DMBT1: variants seen among roughly 807,000 people sequenced by gnomAD.
DMBT1 encodes the protein scavenger receptor cysteine-rich domain-containing protein DMBT1.
Under a neutral mutation model 252.9 loss-of-function variants are expected in DMBT1, and 198 were observed. The observed-to-expected ratio is 0.78, with a 90% CI of 0.70 to 0.88. The LOEUF (loss-of-function observed/expected upper bound fraction) is 0.88, where lower values mean the gene tolerates loss of function less well. DMBT1 is among the 40% of genes least tolerant of loss of function. DMBT1 has a pLI of 0.00. For missense variants in DMBT1, 2,432 were observed against 2,404.7 expected (o/e 1.01, Z -0.24); for synonymous variants, 990 against 942.7 (o/e 1.05, Z -0.92).
chr10:122,641,451 C>G (rs949293194), intron 55 of DMBT1, among the ~76,000 whole-genome samples: 4 of 152,176 alleles, frequency 2.6e-5, no homozygotes, highest in African/African-American at 2.4e-5. Flanking sequence ...TCGACACCCT[C>G]TTGATATGCT....
At chr10:122,630,538 G>C in intron 48 of DMBT1, 48 bp downstream of exon 48, 2 of 1,585,968 alleles carry the variant, frequency 1.3e-6, no homozygotes, top group South Asian at 2.2e-5. Context: ...GATTTACCCA[G>C]CTGCCTCTTT....
rs1418080465 is a variant in DMBT1 at position 122,636,263 on chromosome 10, A to G, written c.6757+64A>G. On this transcript the variant is annotated intron_variant, in intron 53 of 55. Transcript: ENST00000338354. ...ACATCCTGAGAGCATCTGTGGCTCA[A>G]CTGTCCTGTTGTTGTGAAATAAGAA... The G allele has an allele frequency of 2.1e-6, 3 of 1,408,574 alleles. No homozygotes were observed. The East Asian group carries it at 7.1e-5, about 33-fold the overall frequency. The allele number at this position is 1,408,574 out of a possible 1,614,324, so 87.3% of individuals were successfully genotyped here. A position where few individuals can be genotyped will look rare whatever the true frequency, so the allele number is the denominator to read the frequency against.
At chr10:122,627,070 G>T (rs2098123912) in intron 46 of DMBT1, among the ~76,000 whole-genome samples, 1 of 152,140 alleles carries the variant, frequency 6.6e-6, no homozygotes, top group Non-Finnish European at 1.5e-5. Context: ...TTATCCTAAA[G>T]GTAGGGAGGC....
intron 46 of DMBT1, 139 bp downstream of exon 46, chr10:122,626,104 C>T (rs2098117234): frequency 7.0e-6 from 5 of 711,800 alleles, no homozygotes; most frequent in Non-Finnish European, 1.3e-5. Context: ...CTATACCCTT[C>T]ACCTCTTCAT....
chr10:122,638,469 A>C (rs1843895218), intron 54 of DMBT1, among the ~76,000 whole-genome samples: 1 of 152,092 alleles, frequency 6.6e-6, no homozygotes, highest in South Asian at 2.1e-4. Context: ...ACAGGTTCTC[A>C]TTCTGTTGCC....
chr10:122,638,342 G>A (rs553069495), intron 54 of DMBT1, among the ~76,000 whole-genome samples: 17 of 136,764 alleles, frequency 1.2e-4, no homozygotes, highest in East Asian at 3.9e-4. Context: ...CGTTTGGAGC[G>A]GCCAGACAAC....
At chr10:122,623,406 TG>T (rs1172120727) in intron 44 of DMBT1, among the ~76,000 whole-genome samples, 2 of 152,212 alleles carry the variant, frequency 1.3e-5, no homozygotes, top group Non-Finnish European at 2.9e-5. Context: ...TTTCCAATTT[TG>T]GGAGATATAT....
rs141809676 is a variant in DMBT1 at position 122,640,293 on chromosome 10, C to T, written c.7196C>T (p.Thr2399Ile). The change falls in exon 55 of 56, where the codon ACC becomes ATC. Residue 2399 changes from threonine to isoleucine, a missense_variant. Around this residue, in one of 3 missense-constraint regions of DMBT1, gnomAD observed 1,162 missense variants for 1,169.0 expected, o/e 0.99. Coordinates refer to ENST00000338354, the MANE Select transcript of DMBT1 (RefSeq NM_001377530.1). ...TCCTCATCTTTCTTGTATCCTGTGA[C>T]CAGCCGCCCTTACTACGTGGACCTG... Reference protein sequence around the residue: ...YTSSSFLYPVTSRPYYVDLNQ... With the variant: ...YTSSSFLYPVISRPYYVDLNQ... 5.0e-5 allele frequency: 80 copies of T among 1,614,052 alleles called. No individual in the cohort carries two copies. The Admixed American group carries it at 1.3e-3, about 27-fold the overall frequency.
At chr10:122,577,511 G>A (rs2097723113) in intron 7 of DMBT1, among the ~76,000 whole-genome samples, 1 of 152,204 alleles carries the variant, frequency 6.6e-6, no homozygotes, top group African/African-American at 2.4e-5. Context: ...TCTACTCATT[G>A]CTTAGGGTGG....
intron 8 of DMBT1, among the ~76,000 whole-genome samples, chr10:122,578,356 C>T (rs565312134): frequency 1.3e-5 from 2 of 152,174 alleles, no homozygotes; most frequent in East Asian, 1.9e-4. Context: ...AACCTGATTT[C>T]CCCCAGGGCG....
rs2098146089 is a variant in DMBT1, at chr10:122,629,864, T to C, written c.5693T>C (p.Phe1898Ser). The change falls in exon 47 of 56, where the codon TTC becomes TCC. Residue 1898 changes from phenylalanine to serine, a missense_variant. This residue lies in a region of DMBT1 where 1,162 missense variants were observed against 1,169.0 expected (regional missense o/e 0.99). Coordinates refer to ENST00000338354, the MANE Select transcript of DMBT1 (RefSeq NM_001377530.1). ...TARPSSNCGGFLFYASGTFSS... is the reference protein window; with the variant it reads ...TARPSSNCGGSLFYASGTFSS... ...GGACCCTCTTCAAATTGTGGTGGCT[T>C]CTTATTCTATGCCAGTGGGACATTC... 1.2e-6 allele frequency: 2 copies of C among 1,614,020 alleles called. No individual in the cohort carries two copies. The highest frequency in any genetic ancestry group is 1.7e-6 in the Non-Finnish European group (2 of 1,179,890).
In DMBT1 at chr10:122,576,523, C is replaced by T. The variant is rs770425654; in HGVS notation, c.408C>T (p.Ala136=). 5.6e-6 allele frequency: 9 copies of T among 1,613,970 alleles called. No homozygotes were observed. The highest frequency in any genetic ancestry group is 7.6e-6 in the Non-Finnish European group (9 of 1,179,888). ...VCDDSWDTND[A]NVVCRQLGCG... The stretch of plus-strand genomic sequence containing the variant: ...ATGACAGCTGGGACACCAATGATGC[C>T]AACGTGGTCTGTAGGCAGCTGGGTT... The change falls in exon 7 of 56, where the codon GCC becomes GCT. Residue 136 remains alanine (A), a synonymous_variant. Transcript: ENST00000338354.
chr10:122,593,698 G>A (rs1377561558), intron 21 of DMBT1, 100 bp downstream of exon 21: 6 of 1,384,608 alleles, frequency 4.3e-6, no homozygotes, highest in South Asian at 4.1e-5. Flanking sequence ...TGTGGATACT[G>A]TGGGGCATAT....
At chr10:122,589,868 G>A (rs2097832320) in intron 17 of DMBT1, among the ~76,000 whole-genome samples, 1 of 148,632 alleles carries the variant, frequency 6.7e-6, no homozygotes, top group Admixed American at 6.7e-5. Flanking sequence ...TGGCTTCCAT[G>A]ACCCAGACAT....
At chr10:122,634,400 C>CT (rs59944996) in intron 52 of DMBT1, among the ~76,000 whole-genome samples, 1,007 of 84,522 alleles carry the variant, frequency 0.012, 39 homozygotes, top group Middle Eastern at 0.022. Flanking sequence ...TTCTTTCTTT[C>CT]TTTTCTTTCT....
chr10:122,600,919 C>A, intron 27 of DMBT1, 72 bp from the exon 28 acceptor site: 1 of 672,302 alleles, frequency 1.5e-6, no homozygotes, highest in Non-Finnish European at 2.7e-6. Flanking sequence ...ATTCCCCCTC[C>A]CAGAGAACCT....
At chr10:122,639,737 T>G (rs772107190) in intron 54 of DMBT1, among the ~76,000 whole-genome samples, 4 of 152,144 alleles carry the variant, frequency 2.6e-5, no homozygotes, top group Non-Finnish European at 4.4e-5. Flanking sequence ...GGCACTGAAA[T>G]ATAAAGCAAA....
At chr10:122,626,248 C>G (rs1436880192) in intron 46 of DMBT1, among the ~76,000 whole-genome samples, 3 of 152,080 alleles carry the variant, frequency 2.0e-5, no homozygotes, top group Admixed American at 2.0e-4. Flanking sequence ...TATGCTTTTC[C>G]ATGTCATTTT....
intron 20 of DMBT1, 61 bp downstream of exon 20, chr10:122,592,656 C>G: frequency 6.3e-7 from 1 of 1,581,314 alleles, no homozygotes; most frequent in Non-Finnish European, 8.6e-7. Flanking sequence ...GAAGAAAATC[C>G]TAATTACATT....
Sources: allele counts gnomAD v4.1 joint callset (sites outside exome capture counted in the v4.1 genomes callset), GRCh38; gene constraint gnomAD v4.1.1; regional missense constraint gnomAD v4.1.1; transcripts MANE v1.5; gene names NCBI Gene and HGNC (gene_info 2026-07-23, HGNC 2026-07-21).